CDH13: variants seen among roughly 807,000 people sequenced by gnomAD.
CDH13 encodes the protein cadherin 13.
CDH13 carries 24 observed loss-of-function variants against 63.8 expected under a neutral mutation model. The observed-to-expected ratio is 0.38, with a 90% CI of 0.27 to 0.53. The LOEUF is 0.53. CDH13 is among the 20% of genes least tolerant of loss of function. CDH13 has a pLI of 0.85. For synonymous variants in CDH13, 503 were observed against 355.3 expected (o/e 1.42, Z -4.67); for missense variants, 1,049 against 903.1 (o/e 1.16, Z -2.07).
chr16:82,827,764 G>C (rs1015683913), intron 1 of CDH13, among the ~76,000 whole-genome samples: 1 of 152,168 alleles, frequency 6.6e-6, no homozygotes, highest in Non-Finnish European at 1.5e-5. Context: ...ACCTGATAGT[G>C]GTTGGGTTAT....
intron 8 of CDH13, among the ~76,000 whole-genome samples, chr16:83,663,211 C>T (rs1041537095): frequency 1.3e-5 from 2 of 152,134 alleles, no homozygotes; most frequent in African/African-American, 4.8e-5. Flanking sequence ...TCAGCTATGG[C>T]CAAGGAAGCT....
chr16:82,993,691 C>T (rs923587081), intron 2 of CDH13, among the ~76,000 whole-genome samples: 7 of 152,100 alleles, frequency 4.6e-5, no homozygotes, highest in South Asian at 4.1e-4. Context: ...TAGCTGAACA[C>T]GTGTTACACC....
chr16:83,453,245 A>G (rs1007685080), intron 6 of CDH13, among the ~76,000 whole-genome samples: 1 of 152,218 alleles, frequency 6.6e-6, no homozygotes, highest in African/African-American at 2.4e-5. Context: ...GAGGGATAAA[A>G]GACTACAAAT....
At chr16:83,125,658 T>C (rs1244152086) in intron 4 of CDH13, among the ~76,000 whole-genome samples, 157 bp downstream of exon 4, 2 of 152,224 alleles carry the variant, frequency 1.3e-5, no homozygotes, top group South Asian at 2.1e-4. Flanking sequence ...TGTTGGAAGA[T>C]CATTCATATG....
At chr16:83,360,724 C>A (rs1321350264) in intron 6 of CDH13, among the ~76,000 whole-genome samples, 1 of 152,138 alleles carries the variant, frequency 6.6e-6, no homozygotes, top group East Asian at 1.9e-4. Context: ...GTCTTCTGTT[C>A]CTGCATTAAT....
At chr16:82,952,886 C>T (rs1461723941) in intron 2 of CDH13, among the ~76,000 whole-genome samples, 1 of 152,120 alleles carries the variant, frequency 6.6e-6, no homozygotes, top group Non-Finnish European at 1.5e-5. Flanking sequence ...TTACTGAAGC[C>T]AGCTGGAAAC....
At chr16:83,298,047 CAAAAAA>C (rs71382871) in intron 5 of CDH13, among the ~76,000 whole-genome samples, 6 of 99,772 alleles carry the variant, frequency 6.0e-5, no homozygotes, top group African/African-American at 1.8e-4. Context: ...CTTGTTTCTA[CAAAAAA>C]AAAAAAAAAA....
chr16:83,603,334 C>T (rs1409584697), intron 8 of CDH13, among the ~76,000 whole-genome samples: 2 of 152,170 alleles, frequency 1.3e-5, no homozygotes, highest in Admixed American at 6.5e-5. Context: ...GGAATAGGTA[C>T]GATGGCCCCT....
intron 2 of CDH13, among the ~76,000 whole-genome samples, chr16:82,928,706 A>G (rs2042384895): frequency 6.6e-6 from 1 of 152,216 alleles, no homozygotes. Context: ...ATTTGAATGG[A>G]TAAACATCCT....
intron 10 of CDH13, among the ~76,000 whole-genome samples, chr16:83,707,268 G>A (rs1907218204): frequency 6.6e-6 from 1 of 152,136 alleles, no homozygotes; most frequent in Non-Finnish European, 1.5e-5. Context: ...TGCATGGTCC[G>A]TAACACTTTC....
At chr16:83,734,541 A>C (rs968618523) in intron 10 of CDH13, among the ~76,000 whole-genome samples, 2 of 147,120 alleles carry the variant, frequency 1.4e-5, no homozygotes, top group Non-Finnish European at 3.0e-5. Context: ...ATGAGAACAC[A>C]TGGACACAGG....
At chr16:82,888,914 G>C (rs556803362) in intron 2 of CDH13, among the ~76,000 whole-genome samples, 1 of 152,252 alleles carries the variant, frequency 6.6e-6, no homozygotes, top group South Asian at 2.1e-4. Flanking sequence ...GATAGCTTTC[G>C]ATTTGCCCAA....
chr16:83,741,122 G>T (rs1207834607), intron 10 of CDH13, among the ~76,000 whole-genome samples: 1 of 152,188 alleles, frequency 6.6e-6, no homozygotes, highest in Non-Finnish European at 1.5e-5. Context: ...AACTAATCTA[G>T]GATTCTGGAA....
intron 4 of CDH13, among the ~76,000 whole-genome samples, chr16:83,210,993 CA>C (rs1436888606): frequency 6.6e-6 from 1 of 151,394 alleles, no homozygotes; most frequent in Non-Finnish European, 1.5e-5. Flanking sequence ...ACTAAAAATA[CA>C]AAAATTAGCT....
intron 11 of CDH13, among the ~76,000 whole-genome samples, chr16:83,765,261 T>C (rs1352654271): frequency 1.3e-5 from 2 of 152,174 alleles, no homozygotes; most frequent in African/African-American, 2.4e-5. Context: ...ATGAATAAAA[T>C]GAAACTGTCA....
chr16:82,677,957 T>C (rs1914119836), intron 1 of CDH13, among the ~76,000 whole-genome samples: 2 of 152,200 alleles, frequency 1.3e-5, no homozygotes, highest in Non-Finnish European at 2.9e-5. Flanking sequence ...GAAAAGCGTC[T>C]GAAGATATGA....
intron 9 of CDH13, among the ~76,000 whole-genome samples, chr16:83,673,462 C>A (rs1228219929): frequency 6.6e-6 from 1 of 152,052 alleles, no homozygotes; most frequent in African/African-American, 2.4e-5. Flanking sequence ...TACTTCAGAC[C>A]CATAACATTA....
chr16:83,555,715 C>G (rs930407816), intron 7 of CDH13, among the ~76,000 whole-genome samples: 49 of 152,304 alleles, frequency 3.2e-4, no homozygotes, highest in African/African-American at 1.1e-3. Flanking sequence ...TAAAGTTCAT[C>G]AGAAGAGGTG....
intron 4 of CDH13, among the ~76,000 whole-genome samples, chr16:83,184,156 A>AT (rs1445619749): frequency 6.6e-6 from 1 of 151,342 alleles, no homozygotes; most frequent in African/African-American, 2.4e-5. Flanking sequence ...TAAAAAAAAA[A>AT]AAAGTCAGAA....
Sources: gnomAD v4.1 joint callset for allele counts (sites outside exome capture counted in the v4.1 genomes callset) on GRCh38, gnomAD v4.1.1 for gene constraint, MANE v1.5 for transcripts, NCBI Gene and HGNC (gene_info 2026-07-23, HGNC 2026-07-21) for gene names.